DAB1: variants seen among roughly 807,000 people sequenced by gnomAD.
DAB1 encodes DAB adaptor protein 1, also known as disabled homolog 1.
A neutral mutation model predicts 64.6 loss-of-function variants in DAB1; 15 were observed. That is an observed-to-expected ratio of 0.23 (90% CI 0.16 to 0.36). DAB1 has a LOEUF of 0.36. Among genes scored for constraint, DAB1 ranks in the 10% least tolerant of loss-of-function variants. The probability of loss-of-function intolerance (pLI) is 1.00; values close to 1 mark genes in which losing one functional copy is unlikely to be tolerated. For missense variants in DAB1, 596 were observed against 706.7 expected, an observed-to-expected ratio of 0.84 and a Z score of 1.78; for synonymous variants, 235 against 251.9, an observed-to-expected ratio of 0.93 and a Z score of 0.64.
chr1:57,821,758 G>C (rs188883048), downstream of DAB1, among the ~76,000 whole-genome samples: 30 of 152,292 alleles, frequency 2.0e-4, no homozygotes, highest in African/African-American at 5.5e-4. Context: ...ATGCCAGCAG[G>C]CTTTCTATAA....
At chr1:57,527,661 A>G (rs929537633) in intron 7 of DAB1, among the ~76,000 whole-genome samples, 2 of 152,220 alleles carry the variant, frequency 1.3e-5, no homozygotes, top group Non-Finnish European at 2.9e-5. Flanking sequence ...ATTAATTTGC[A>G]CAGAGCACTG....
At chr1:57,687,248 T>G (rs1203916257) in intron 6 of DAB1, among the ~76,000 whole-genome samples, 2 of 152,014 alleles carry the variant, frequency 1.3e-5, no homozygotes, top group African/African-American at 4.8e-5. Context: ...TATACACCAG[T>G]AACATTCAAG....
chr1:58,207,168 A>G (rs1225221878), intron 4 of DAB1, among the ~76,000 whole-genome samples: 1 of 152,216 alleles, frequency 6.6e-6, no homozygotes, highest in East Asian at 1.9e-4. Flanking sequence ...GCCATCCTAC[A>G]TGAGTCAAGC....
At chr1:58,354,061 C>T (rs147801860) in intron 3 of DAB1, among the ~76,000 whole-genome samples, 114 of 152,054 alleles carry the variant, frequency 7.5e-4, no homozygotes, top group African/African-American at 2.7e-3. Context: ...CTAGTATGCC[C>T]CAGATGCTCA....
upstream of DAB1, among the ~76,000 whole-genome samples, chr1:57,427,575 C>G (rs1224260303): frequency 1.4e-5 from 2 of 145,176 alleles, no homozygotes; most frequent in African/African-American, 2.6e-5. Context: ...GAAAGGGAAG[C>G]AAAGAAGCCC....
At chr1:57,304,418 T>C (rs1301697658) in intron 1 of DAB1, among the ~76,000 whole-genome samples, 1 of 143,456 alleles carries the variant, frequency 7.0e-6, no homozygotes, top group Non-Finnish European at 1.5e-5. Context: ...GGGACACAGA[T>C]CCAAACTATA....
intron 4 of DAB1, among the ~76,000 whole-genome samples, chr1:58,236,405 C>T (rs1440535234): frequency 6.6e-6 from 1 of 151,856 alleles, no homozygotes; most frequent in Non-Finnish European, 1.5e-5. Flanking sequence ...AGACGAGTGT[C>T]GATCGGAAAG....
At chr1:57,986,294 G>A (rs1186203525) in intron 5 of DAB1, among the ~76,000 whole-genome samples, 1 of 152,132 alleles carries the variant, frequency 6.6e-6, no homozygotes, top group Non-Finnish European at 1.5e-5. Context: ...GAAGTGATTA[G>A]GTCATGAGGG....
At chr1:58,085,582 G>T (rs1005686505) in intron 5 of DAB1, among the ~76,000 whole-genome samples, 6 of 151,822 alleles carry the variant, frequency 4.0e-5, no homozygotes, top group Middle Eastern at 3.2e-3. Flanking sequence ...TGCCCAGGCT[G>T]GTCTTGAACT....
chr1:57,856,189 T>C lies in DAB1; in HGVS notation n.87+27810A>G, dbSNP rs566156616. 2.6e-5 allele frequency among the ~76,000 whole-genome samples: 4 copies of C among 151,650 alleles called. No individual in the cohort carries two copies. In the East Asian group the frequency reaches 7.8e-4, roughly 30 times the overall value. ...AGTGTAGCTAGAAAAGAGAAGAAGC[T>C]GGGGGGTTGCTTCACAAGAGTCTGA... On this transcript the variant is annotated intron_variant and non_coding_transcript_variant, in intron 1 of 1. Coordinates refer to the DAB1 transcript ENST00000477280.
chr1:57,480,929 G>A (rs192694418), intron 7 of DAB1, among the ~76,000 whole-genome samples: 27 of 152,050 alleles, frequency 1.8e-4, no homozygotes, highest in Non-Finnish European at 2.6e-4. Flanking sequence ...CTTTTTCTTC[G>A]TCAAGGGGAT....
At chr1:58,323,392 A>T (rs185662578) in intron 4 of DAB1, among the ~76,000 whole-genome samples, 1 of 152,072 alleles carries the variant, frequency 6.6e-6, no homozygotes, top group Admixed American at 6.5e-5. Flanking sequence ...TCTGCCTGTA[A>T]GTCTGTTCTC....
At chr1:58,290,941 C>T (rs2100449908) in intron 4 of DAB1, among the ~76,000 whole-genome samples, 1 of 152,162 alleles carries the variant, frequency 6.6e-6, no homozygotes, top group South Asian at 2.1e-4. Context: ...AGGAGATCCA[C>T]AAATCTTCCT....
intron 4 of DAB1, among the ~76,000 whole-genome samples, chr1:58,207,970 A>T (rs1658365505): frequency 6.6e-6 from 1 of 152,138 alleles, no homozygotes; most frequent in South Asian, 2.1e-4. Context: ...GGAAACTTAC[A>T]ATCATGGTGG....
chr1:58,155,405 C>T (rs970767429), intron 4 of DAB1, among the ~76,000 whole-genome samples: 2 of 152,096 alleles, frequency 1.3e-5, no homozygotes, highest in Admixed American at 6.5e-5. Flanking sequence ...GAGACCCCAT[C>T]CCCCAACAAA....
At chr1:58,097,438 T>C (rs765841918) in intron 5 of DAB1, among the ~76,000 whole-genome samples, 3 of 152,122 alleles carry the variant, frequency 2.0e-5, no homozygotes, top group Non-Finnish European at 1.5e-5. Context: ...GTTTTAATGA[T>C]GTGAAAGAGA....
chr1:57,283,722 C>A (rs992846097), intron 2 of DAB1, among the ~76,000 whole-genome samples: 2 of 152,276 alleles, frequency 1.3e-5, no homozygotes, highest in South Asian at 2.1e-4. Context: ...GAAGCAAACA[C>A]CCTGAGATGT....
In DAB1 at chr1:57,376,551, G is replaced by A. The variant is rs148549093; in HGVS notation, c.-137+47379C>T. 5.4e-3 allele frequency among the ~76,000 whole-genome samples: 829 copies of A among 152,194 alleles called. 9 individuals carry two copies. Among genetic ancestry groups the A allele is most frequent in the African/African-American group, 0.018 (761 of 41,510 alleles). On this transcript the variant is annotated intron_variant, in intron 1 of 14. Transcript: ENST00000371236. Reference sequence around the variant, plus strand: ...CCTAGAACAATCCCTGGCAAATATCGGGTGCAAAATAAATACCTGTTGAGT... The same window carrying A: ...CCTAGAACAATCCCTGGCAAATATCAGGTGCAAAATAAATACCTGTTGAGT...
intron 5 of DAB1, among the ~76,000 whole-genome samples, chr1:57,969,048 T>A (rs1456717347): frequency 1.3e-5 from 2 of 152,198 alleles, no homozygotes; most frequent in African/African-American, 4.8e-5. Flanking sequence ...TGGAATAATT[T>A]AAGAGAAAAT....
Sources: gnomAD v4.1 joint callset for allele counts (sites outside exome capture counted in the v4.1 genomes callset) on GRCh38, gnomAD v4.1.1 for gene constraint, MANE v1.5 for transcripts, NCBI Gene and HGNC (gene_info 2026-07-23, HGNC 2026-07-21) for gene names.